The following TERB2 variants were observed in gnomAD, a reference collection of about 807,000 sequenced individuals.
The protein encoded by TERB2 is telomere repeat binding bouquet formation protein 2, also known as telomere repeats-binding bouquet formation protein 2.
A neutral mutation model predicts 29.8 loss-of-function variants in TERB2; 26 were observed. That is an observed-to-expected ratio of 0.87 (90% confidence interval 0.64 to 1.21). The LOEUF (loss-of-function observed/expected upper bound fraction) is 1.21. Among genes scored for constraint, TERB2 ranks in the 50% most tolerant of loss-of-function variants. The pLI is 0.00. For synonymous variants in TERB2, 80 were observed against 90.8 expected (o/e 0.88, Z 0.68); for missense variants, 240 against 268.6 (o/e 0.89, Z 0.74).
At chr15:44,971,614 G>A (rs1891968969) in intron 5 of TERB2, among the ~76,000 whole-genome samples, 1 of 152,032 alleles carries the variant, frequency 6.6e-6, no homozygotes, top group Non-Finnish European at 1.5e-5. Context: ...AATTAGCCAG[G>A]TGTGGTGGCG....
intron 3 of TERB2, among the ~76,000 whole-genome samples, chr15:44,958,755 A>G (rs1891760165): frequency 6.6e-6 from 1 of 152,238 alleles, no homozygotes; most frequent in South Asian, 2.1e-4. Context: ...CCAGGTTTCA[A>G]CCTGGGTAGG....
chr15:44,968,121 T>C (rs1478371732), intron 5 of TERB2, among the ~76,000 whole-genome samples: 8 of 145,294 alleles, frequency 5.5e-5, no homozygotes, highest in Non-Finnish European at 1.0e-4. Context: ...GTTGATTTTT[T>C]TTACATCATA....
intron 1 of TERB2, 41 bp from the exon 2 acceptor site, chr15:44,956,855 A>G (rs1387122628): frequency 1.2e-6 from 2 of 1,612,116 alleles, no homozygotes; most frequent in Admixed American, 3.3e-5. Flanking sequence ...CTTTGGGTCC[A>G]GGGTGCTTGA....
chr15:44,961,225 C>A (rs1222244306), intron 3 of TERB2, among the ~76,000 whole-genome samples: 2 of 140,642 alleles, frequency 1.4e-5, no homozygotes, highest in Non-Finnish European at 3.1e-5. Flanking sequence ...TACACACACA[C>A]ACACACATCT....
intron 6 of TERB2, among the ~76,000 whole-genome samples, chr15:44,975,135 C>T (rs1892025872): frequency 6.6e-6 from 1 of 152,048 alleles, no homozygotes; most frequent in Non-Finnish European, 1.5e-5. Context: ...TGTGGTAATA[C>T]TCTGTTGTGA....
chr15:44,962,961 G>GA (rs1891829953), intron 4 of TERB2: 1 of 151,246 alleles, frequency 6.6e-6, no homozygotes, highest in South Asian at 2.1e-4. Context: ...CAGACATAAA[G>GA]AAAAAAGGAA....
chr15:44,974,769 T>C (rs975957837), intron 6 of TERB2, among the ~76,000 whole-genome samples: 1 of 152,200 alleles, frequency 6.6e-6, no homozygotes, highest in African/African-American at 2.4e-5. Flanking sequence ...TGAAAGCTTA[T>C]TTAAAAAATA....
At chr15:44,972,978 G>A (rs1266581492) in intron 5 of TERB2, among the ~76,000 whole-genome samples, 3 of 151,266 alleles carry the variant, frequency 2.0e-5, no homozygotes, top group African/African-American at 7.3e-5. Flanking sequence ...TGCCTCCTGG[G>A]TTCAAGCAAT....
intron 2 of TERB2, among the ~76,000 whole-genome samples, chr15:44,957,352 C>A (rs542157703): frequency 1.3e-5 from 2 of 152,084 alleles, no homozygotes; most frequent in African/African-American, 4.8e-5. Context: ...ACCTCCTTTC[C>A]TTTCTGCTGC....
rs554842836 is a variant in TERB2 at position 44,964,044 on chromosome 15, C to T, written c.349-2114C>T. On this transcript the variant is annotated intron_variant, in intron 4 of 6. Transcript: ENST00000340827. ...CGGGATGGTCTCAATCTCCTGACCT[C>T]GTGATCCGCCTGCCTTGGCCTCCCA... Among the ~76,000 whole-genome samples, 8 of 152,092 alleles carry T rather than the reference C, an allele frequency of 5.3e-5. No homozygotes were observed. The South Asian group carries it at 1.5e-3, about 28-fold the overall frequency.
At chr15:44,974,068 A>T in intron 6 of TERB2, 113 bp downstream of exon 6, 1 of 1,105,170 alleles carries the variant, frequency 9.0e-7, no homozygotes, top group East Asian at 4.3e-5. Context: ...TTCTCTAGTA[A>T]GCCTGGTAAT....
At chr15:44,975,548 A>C (rs1246664043) in intron 6 of TERB2, among the ~76,000 whole-genome samples, 5 of 152,266 alleles carry the variant, frequency 3.3e-5, no homozygotes, top group Admixed American at 1.3e-4. Flanking sequence ...AGAAAATACA[A>C]GTTGGGGCAA....
At chr15:44,974,945 A>G (rs1892023578) in intron 6 of TERB2, among the ~76,000 whole-genome samples, 1 of 152,182 alleles carries the variant, frequency 6.6e-6, no homozygotes, top group Admixed American at 6.5e-5. Context: ...ATAAATATTA[A>G]AATCAGCCAT....
At chr15:44,977,505 A>G (rs1015254835) in intron 6 of TERB2, among the ~76,000 whole-genome samples, 1 of 152,230 alleles carries the variant, frequency 6.6e-6, no homozygotes, top group Non-Finnish European at 1.5e-5. Context: ...TTTATTTTAC[A>G]CAGATACATA....
chr15:44,958,917 G>A (rs952171823), intron 3 of TERB2, among the ~76,000 whole-genome samples: 4 of 152,188 alleles, frequency 2.6e-5, no homozygotes, highest in African/African-American at 7.2e-5. Flanking sequence ...GGTAGGGCGT[G>A]CCTGTAATCC....
rs759943323 is a variant in TERB2, at chr15:44,978,612, A to G, written c.647A>G (p.Lys216Arg). Residue 216 changes from lysine (K) to arginine (R), a missense_variant, in exon 7 of 7, where the codon AAA (lysine) becomes AGA (arginine). Coordinates refer to ENST00000340827, the MANE Select transcript of TERB2 (RefSeq NM_152448.3). ...NEINMSAIKN[K>R]LKRK ...ATTAATATGTCTGCTATAAAAAACA[A>G]ATTGAAGAGGAAATAGTAAATTAAA... The G allele has an allele frequency of 1.3e-6, 2 of 1,595,680 alleles. No homozygotes were observed. The highest frequency in any genetic ancestry group is 1.8e-5 in the Admixed American group (1 of 56,776).
rs11633942 is a variant in TERB2 at position 44,958,317 on chromosome 15, G to C, written c.147-56G>C. On this transcript the variant is annotated intron_variant, in intron 2 of 6. Coordinates refer to ENST00000340827, the MANE Select transcript of TERB2 (RefSeq NM_152448.3). ...AGTGATTTATTTATTCTTTTGAAAG[G>C]TTAAATACATTCTTGTTTCTTTCAT... 9.2e-6 allele frequency: 14 copies of C among 1,526,382 alleles called. No individual in the cohort carries two copies. In the African/African-American group the frequency reaches 1.5e-4, roughly 17 times the overall value. The allele number at this position is 1,526,382 out of a possible 1,614,324, so 94.6% of individuals were successfully genotyped here.
rs769886013 is a variant in TERB2, at chr15:44,966,213, C to G, written c.404C>G (p.Ala135Gly). The stretch of plus-strand genomic sequence containing the variant: ...ACCCTTAGGGAAAACAGTGAACTAG[C>G]AACAGAGCACAAAAAAGAATTATCC... ...IKTLRENSEL[A>G]TEHKKELSKS... is the part of the protein sequence containing the mutation. The change falls in exon 5 of 7, where the codon GCA (alanine) becomes GGA (glycine). Residue 135 changes from alanine to glycine, a missense_variant. Physicochemically the swap from Ala to Gly is moderately conservative, Grantham distance 60. Coordinates refer to ENST00000340827, the MANE Select transcript of TERB2 (RefSeq NM_152448.3). The G allele has an allele frequency of 5.8e-6, 9 of 1,561,856 alleles. No individual in the cohort carries two copies. The South Asian group carries it at 6.2e-5, about 11-fold the overall frequency.
chr15:44,961,679 CA>C (rs1190590344), intron 4 of TERB2, 95 bp downstream of exon 4: 4 of 781,992 alleles, frequency 5.1e-6, no homozygotes, highest in Non-Finnish European at 8.3e-6. Flanking sequence ...GACATGTTAG[CA>C]CCAATGAGTC....
Sources: gnomAD v4.1 joint callset for allele counts (sites outside exome capture counted in the v4.1 genomes callset) on GRCh38, gnomAD v4.1.1 for gene constraint, MANE v1.5 for transcripts, NCBI Gene and HGNC (gene_info 2026-07-23, HGNC 2026-07-21) for gene names.